Variants in CACNA2D3 observed in about 807,000 individuals in gnomAD.
CACNA2D3 encodes voltage-dependent calcium channel subunit alpha-2/delta-3.
CACNA2D3 carries 60 observed loss-of-function variants against 160.6 expected under a neutral mutation model. That is an observed-to-expected ratio of 0.37 (90% confidence interval 0.30 to 0.46). The LOEUF (loss-of-function observed/expected upper bound fraction) is 0.46. CACNA2D3 is among the 20% of genes least tolerant of loss of function. CACNA2D3 has a pLI of 1.00. For missense variants in CACNA2D3, 1,205 were observed against 1,365.0 expected (o/e 0.88, Z 1.85); for synonymous variants, 558 against 492.9 (o/e 1.13, Z -1.75).
At chr3:54,605,917 T>C (rs896841761) in intron 9 of CACNA2D3, among the ~76,000 whole-genome samples, 3 of 152,232 alleles carry the variant, frequency 2.0e-5, no homozygotes, top group Non-Finnish European at 2.9e-5. Flanking sequence ...TGAGTGACTT[T>C]TCTTCTGTAA....
At position 54,467,976 on chromosome 3, in the gene CACNA2D3, C is replaced by T. The variant is rs889206143; in HGVS notation, c.382-35516C>T. Among the ~76,000 whole-genome samples the T allele has an allele frequency of 3.9e-5, 6 of 152,136 alleles. No homozygotes were observed. In the East Asian group the frequency reaches 1.2e-3, roughly 29 times the overall value. On this transcript the variant is annotated intron_variant, in intron 4 of 37. Transcript: ENST00000474759. ...AGTGTATGCATGTGTCAAAACATCA[C>T]ATCATATTGTGTAAATATGTACAAT... is the stretch of plus-strand genomic sequence containing the variant.
chr3:54,702,635 T>C (rs887655555), intron 11 of CACNA2D3, among the ~76,000 whole-genome samples: 4 of 152,198 alleles, frequency 2.6e-5, no homozygotes, highest in African/African-American at 9.6e-5. Context: ...GCTTATACAC[T>C]GCTGGTCTGA....
At chr3:54,481,618 A>AT (rs1360905287) in intron 4 of CACNA2D3, among the ~76,000 whole-genome samples, 2 of 152,214 alleles carry the variant, frequency 1.3e-5, no homozygotes, top group Admixed American at 6.5e-5. Flanking sequence ...CACGGCCTTC[A>AT]TTCTCCAGAG....
At chr3:54,131,728 T>C (rs1027573745) in intron 2 of CACNA2D3, among the ~76,000 whole-genome samples, 1 of 152,144 alleles carries the variant, frequency 6.6e-6, no homozygotes, top group Non-Finnish European at 1.5e-5. Flanking sequence ...CAATGACAAA[T>C]GCATTTATTA....
intron 11 of CACNA2D3, among the ~76,000 whole-genome samples, chr3:54,694,053 A>C (rs1387251940): frequency 6.6e-6 from 1 of 152,210 alleles, no homozygotes; most frequent in African/African-American, 2.4e-5. Context: ...CTAGGCCTTC[A>C]CATTCACTCA....
At chr3:54,356,276 C>T (rs1287093050) in intron 3 of CACNA2D3, among the ~76,000 whole-genome samples, 2 of 152,022 alleles carry the variant, frequency 1.3e-5, no homozygotes, top group East Asian at 1.9e-4. Context: ...CCTTTTTGGC[C>T]CTCTCTGTGT....
At chr3:54,407,108 C>T (rs1298471088) in intron 4 of CACNA2D3, among the ~76,000 whole-genome samples, 1 of 152,110 alleles carries the variant, frequency 6.6e-6, no homozygotes, top group Non-Finnish European at 1.5e-5. Context: ...GAGGAAATGA[C>T]TATTCTCACT....
At chr3:54,226,312 CTTTTT>C (rs10677482) in intron 2 of CACNA2D3, among the ~76,000 whole-genome samples, 10 of 106,878 alleles carry the variant, frequency 9.4e-5, no homozygotes, top group Admixed American at 2.3e-4. Context: ...GCCCCTGATG[CTTTTT>C]TTTTTTTTTT....
At chr3:55,007,705 C>A in intron 32 of CACNA2D3, 85 bp from the exon 33 acceptor site, 1 of 815,620 alleles carries the variant, frequency 1.2e-6, no homozygotes, top group Non-Finnish European at 1.9e-6. Flanking sequence ...AGAAGAATAA[C>A]ATTGTCCTTA....
At chr3:54,221,985 A>G (rs1701582918) in intron 2 of CACNA2D3, among the ~76,000 whole-genome samples, 1 of 152,154 alleles carries the variant, frequency 6.6e-6, no homozygotes, top group African/African-American at 2.4e-5. Flanking sequence ...AAGTGTTGGG[A>G]TAACAGGTGT....
At chr3:54,500,557 CT>C (rs1701277744) in intron 4 of CACNA2D3, among the ~76,000 whole-genome samples, 1 of 146,834 alleles carries the variant, frequency 6.8e-6, no homozygotes, top group African/African-American at 2.5e-5. Context: ...TCCTTCCTTT[CT>C]CTCTCTTTCT....
chr3:55,003,660 G>A (rs1429060222), intron 31 of CACNA2D3, among the ~76,000 whole-genome samples: 1 of 152,244 alleles, frequency 6.6e-6, no homozygotes, highest in East Asian at 1.9e-4. Flanking sequence ...GGGCCTAAAT[G>A]GTTAGTAAAT....
chr3:54,822,821 T>TTTCTC lies in CACNA2D3; in HGVS notation c.1398+5952_1398+5953insTCTCT, dbSNP rs1559595791. Among the ~76,000 whole-genome samples, 27 of 112,324 alleles carry TTTCTC rather than the reference T, an allele frequency of 2.4e-4. 1 individual carries two copies. Among genetic ancestry groups the TTTCTC allele is most frequent in the African/African-American group, 8.2e-4 (20 of 24,442 alleles). The allele number at this position is 112,324 out of a possible 152,430, so 73.7% of individuals were successfully genotyped here. ...TTTCTTTCTTTCTTTCTTTCTTTCT[T>TTTCTC]TCTTTCTTTCTTTTCTTTCTTTCTT... On this transcript the variant is annotated intron_variant, in intron 14 of 37. Transcript: ENST00000474759.
chr3:54,972,961 A>T (rs997302591), intron 29 of CACNA2D3, among the ~76,000 whole-genome samples: 10 of 152,190 alleles, frequency 6.6e-5, no homozygotes, highest in Non-Finnish European at 1.3e-4. Context: ...AAGCAGTCAG[A>T]AAAGGCCCTG....
At chr3:54,778,921 G>A (rs533448873) in intron 13 of CACNA2D3, among the ~76,000 whole-genome samples, 8 of 152,254 alleles carry the variant, frequency 5.3e-5, no homozygotes, top group Admixed American at 5.2e-4. Context: ...CAGGTACCCA[G>A]CACCACCAAT....
intron 11 of CACNA2D3, among the ~76,000 whole-genome samples, chr3:54,726,187 A>T (rs1701273492): frequency 6.6e-6 from 1 of 152,318 alleles, no homozygotes; most frequent in East Asian, 1.9e-4. Context: ...TAAAATACTC[A>T]GGAATACAAC....
At chr3:54,162,486 G>A (rs895843687) in intron 2 of CACNA2D3, among the ~76,000 whole-genome samples, 2 of 152,140 alleles carry the variant, frequency 1.3e-5, no homozygotes, top group African/African-American at 4.8e-5. Flanking sequence ...TAATGTGACA[G>A]GTGGGATCCA....
chr3:54,687,732 G>T (rs903308079), intron 11 of CACNA2D3, among the ~76,000 whole-genome samples: 35 of 152,270 alleles, frequency 2.3e-4, no homozygotes, highest in Admixed American at 2.0e-3. Context: ...TAGCAACTTG[G>T]CTTTCTAAAC....
In CACNA2D3 at chr3:54,303,818, G is replaced by GTTTTTTGTTTTTTTTTTTTTTTTTTT. The variant is rs59534343; in HGVS notation, c.205-16618_205-16617insGTTTTTTTTTTTTTTTTTTTTTTTTT. On this transcript the variant is annotated intron_variant, in intron 2 of 37. Transcript: ENST00000474759. ...CAGCCTCATCAGTGACTTTTTTTCT[G>GTTTTTTGTTTTTTTTTTTTTTTTTTT]TTTTTTTTTTTTTTTTTTTTCTATT... Among the ~76,000 whole-genome samples, 5 of 115,006 alleles carry GTTTTTTGTTTTTTTTTTTTTTTTTTT rather than the reference G, an allele frequency of 4.3e-5. 1 individual carries two copies. Among genetic ancestry groups the GTTTTTTGTTTTTTTTTTTTTTTTTTT allele is most frequent in the Non-Finnish European group, 3.4e-5 (2 of 58,438 alleles). The allele number at this position is 115,006 out of a possible 152,430, so 75.4% of individuals were successfully genotyped here.
Sources: allele counts gnomAD v4.1 joint callset (sites outside exome capture counted in the v4.1 genomes callset), GRCh38; gene constraint gnomAD v4.1.1; transcripts MANE v1.5; gene names NCBI Gene and HGNC (gene_info 2026-07-23, HGNC 2026-07-21).